Variants in RREB1 observed in about 807,000 individuals in gnomAD.
RREB1 encodes the protein ras-responsive element-binding protein 1.
RREB1 carries 27 observed loss-of-function variants against 117.8 expected under a neutral mutation model. The ratio of observed to expected loss-of-function variants is 0.23; its 90% CI spans 0.17 to 0.32. The LOEUF is 0.32. Among genes scored for constraint, RREB1 ranks in the 10% least tolerant of loss-of-function variants. RREB1 has a pLI of 1.00. For synonymous variants in RREB1, 1,298 were observed against 1,026.7 expected, an observed-to-expected ratio of 1.26 and a Z score of -5.05; for missense variants, 2,577 against 2,378.2, an observed-to-expected ratio of 1.08 and a Z score of -1.74.
intron 1 of RREB1, among the ~76,000 whole-genome samples, chr6:7,114,896 C>G (rs1281004206): frequency 6.6e-5 from 10 of 152,118 alleles, no homozygotes; most frequent in Non-Finnish European, 1.5e-4. Flanking sequence ...GTCGATGGCT[C>G]AGCTTTCCCA....
Position 7,229,212 on chromosome 6 carries a change from C to T in RREB1, c.1113C>T (p.His371=), listed in dbSNP as rs1443279260. The T allele has an allele frequency of 1.9e-6, 3 of 1,613,314 alleles. No individual in the cohort carries two copies. Among genetic ancestry groups the T allele is most frequent in the Non-Finnish European group, 2.5e-6 (3 of 1,179,550 alleles). Residue 371 remains histidine, a synonymous_variant, in exon 10 of 13, where the codon CAC becomes CAT. Transcript: ENST00000379938. This position sits in a 1 kb window ranked among gnomAD's most constrained non-coding sequence, Gnocchi z 4.5. ...KGFLALLGLQ[H]TKDVRPAPAE... ...TCCTGGCCTTGCTTGGCCTGCAGCACACCAAAGACGTCAGGCCTGCCCCCG... is the reference window on the plus strand; with the variant it reads ...TCCTGGCCTTGCTTGGCCTGCAGCATACCAAAGACGTCAGGCCTGCCCCCG...
chr6:7,114,651 G>A lies in RREB1; in HGVS notation c.-285+6591G>A, dbSNP rs137977988. 9.0e-4 allele frequency among the ~76,000 whole-genome samples: 137 copies of A among 152,254 alleles called. 2 individuals carry two copies. The East Asian group carries it at 0.023, about 26-fold the overall frequency. ...TCTCATCTACAAGTCCACTGGGTGCGCTGCCTGTATTGCATGCGATATATT... is the reference window on the plus strand; with the variant it reads ...TCTCATCTACAAGTCCACTGGGTGCACTGCCTGTATTGCATGCGATATATT... On this transcript the variant is annotated intron_variant, in intron 1 of 12. Coordinates refer to ENST00000379938, the MANE Select transcript of RREB1 (RefSeq NM_001003699.4).
intron 1 of RREB1, among the ~76,000 whole-genome samples, chr6:7,143,674 A>G (rs756229317): frequency 1.3e-5 from 2 of 152,118 alleles, no homozygotes; most frequent in African/African-American, 2.4e-5. Context: ...CTGTGGAACA[A>G]CAGCAAAGTC....
In RREB1 at chr6:7,249,075, GAGAGA is replaced by G; in HGVS notation, c.*108_*112del. ...GCTGTTGAGGAGTGAGAGAGAGAGA[GAGAGA>G]GAGAGAGAGAGAGAGAGAGAGAGAC... On this transcript the variant is annotated 3_prime_UTR_variant, in exon 13 of 13. Transcript: ENST00000379938. The G allele has an allele frequency of 4.7e-6, 3 of 637,594 alleles. No individual in the cohort carries two copies. Among genetic ancestry groups the G allele is most frequent in the African/African-American group, 2.1e-5 (1 of 47,858 alleles). The allele number at this position is 637,594 out of a possible 1,614,324, so 39.5% of individuals were successfully genotyped here.
At position 7,229,669 on chromosome 6, in the gene RREB1, C is replaced by A. The variant is rs1003190612; in HGVS notation, c.1570C>A (p.Pro524Thr). The A allele has an allele frequency of 6.2e-7, 1 of 1,611,768 alleles. No homozygotes were observed. Residue 524 changes from proline to threonine, a missense_variant, in exon 10 of 13, where the codon CCC (proline) becomes ACC (threonine). Pro to Thr is a conservative substitution (Grantham distance 38). Coordinates refer to ENST00000379938, the MANE Select transcript of RREB1 (RefSeq NM_001003699.4). This position sits in a 1 kb window ranked among gnomAD's most constrained non-coding sequence, Gnocchi z 4.5. ...ACGGACGGTGGTGGCCACCTCCACG[C>A]CCCCGCCTCTCATCAACGCCCAGCA... ...TPRTVVATST[P>T]PPLINAQQAS...
intron 6 of RREB1, among the ~76,000 whole-genome samples, chr6:7,196,641 G>A (rs1435961715): frequency 5.9e-5 from 9 of 152,134 alleles, no homozygotes; most frequent in Non-Finnish European, 1.3e-4. Flanking sequence ...GGCAAGTAGG[G>A]AGATGAGAGT....
intron 1 of RREB1, among the ~76,000 whole-genome samples, chr6:7,170,400 A>G (rs1197927837): frequency 6.6e-6 from 1 of 152,192 alleles, no homozygotes; most frequent in Non-Finnish European, 1.5e-5. Flanking sequence ...CTCACTGCCC[A>G]GGAGCAGCAG....
At chr6:7,191,687 G>A (rs1765417836) in intron 6 of RREB1, among the ~76,000 whole-genome samples, 2 of 152,098 alleles carry the variant, frequency 1.3e-5, no homozygotes, top group African/African-American at 4.8e-5. Context: ...TTTTATATCG[G>A]TTAAATTTAT....
Position 7,246,967 on chromosome 6 carries a change from AGGT to A in RREB1, c.4523_4525del (p.Val1508del). Reference sequence around the variant, plus strand: ...GAGAAGCCCCCCGAGACCCCGGCAGAGGTGGTGGAGTCGGCCCCGGGTGCCGGG... The same window carrying A: ...GAGAAGCCCCCCGAGACCCCGGCAGAGGTGGAGTCGGCCCCGGGTGCCGGG... On this transcript the variant is annotated inframe_deletion, in exon 12 of 13. Coordinates refer to ENST00000379938, the MANE Select transcript of RREB1 (RefSeq NM_001003699.4). The A allele has an allele frequency of 1.3e-6, 2 of 1,574,602 alleles. No individual in the cohort carries two copies. Among genetic ancestry groups the A allele is most frequent in the Non-Finnish European group, 1.7e-6 (2 of 1,161,322 alleles).
At chr6:7,227,950 C>T (rs1294537253) in intron 9 of RREB1, among the ~76,000 whole-genome samples, 1 of 152,178 alleles carries the variant, frequency 6.6e-6, no homozygotes, top group East Asian at 1.9e-4. Context: ...GCCTATAATC[C>T]CAGCTGCTGG....
intron 1 of RREB1, among the ~76,000 whole-genome samples, chr6:7,115,623 A>G (rs1001165500): frequency 4.6e-5 from 7 of 152,148 alleles, no homozygotes; most frequent in Non-Finnish European, 7.4e-5. Context: ...CCACCTTTGC[A>G]GTCCCATACG....
intron 1 of RREB1, among the ~76,000 whole-genome samples, chr6:7,108,343 T>A (rs868364065): frequency 1.1e-5 from 1 of 91,954 alleles, no homozygotes; most frequent in Non-Finnish European, 3.1e-5. Flanking sequence ...CCTCCTCCCC[T>A]TCCTCCGCTC....
intron 1 of RREB1, among the ~76,000 whole-genome samples, chr6:7,113,872 C>G (rs1353284272): frequency 6.6e-6 from 1 of 152,168 alleles, no homozygotes; most frequent in Admixed American, 6.5e-5. Context: ...AGTAGCCTTT[C>G]TACCTCATGA....
At chr6:7,163,753 T>C (rs1360011678) in intron 1 of RREB1, among the ~76,000 whole-genome samples, 1 of 152,238 alleles carries the variant, frequency 6.6e-6, no homozygotes, top group African/African-American at 2.4e-5. Context: ...TGAGCACGTG[T>C]GTGCCTGGGT....
chr6:7,143,836 A>C, intron 1 of RREB1, among the ~76,000 whole-genome samples: 1 of 142,252 alleles, frequency 7.0e-6, no homozygotes, highest in South Asian at 2.2e-4. Context: ...GCATCACTGC[A>C]GCCTTTTTTT....
rs1230965974 is a variant in RREB1 at position 7,108,013 on chromosome 6, A to C, written c.-332A>C. ...TCTCCTCGGTCTCTCCCTGAAGCCCACCGGTCCCCAACGCATCATGCCAGG... is the reference window on the plus strand; with the variant it reads ...TCTCCTCGGTCTCTCCCTGAAGCCCCCCGGTCCCCAACGCATCATGCCAGG... On this transcript the variant is annotated 5_prime_UTR_variant, in exon 1 of 13. Coordinates refer to ENST00000379938, the MANE Select transcript of RREB1 (RefSeq NM_001003699.4). 1 of 152,212 alleles carries C rather than the reference A, an allele frequency of 6.6e-6. No individual in the cohort carries two copies. Among genetic ancestry groups the C allele is most frequent in the Non-Finnish European group, 1.5e-5 (1 of 68,072 alleles). The allele number at this position is 152,212 out of a possible 1,614,324, so 9.4% of individuals were successfully genotyped here.
At chr6:7,201,615 G>A (rs974833704) in intron 6 of RREB1, among the ~76,000 whole-genome samples, 1 of 150,614 alleles carries the variant, frequency 6.6e-6, no homozygotes, top group African/African-American at 2.4e-5. Flanking sequence ...CTGTGTGCCT[G>A]TGGGCCATCC....
intron 1 of RREB1, among the ~76,000 whole-genome samples, chr6:7,134,254 C>G (rs545515956): frequency 2.6e-5 from 4 of 152,178 alleles, no homozygotes; most frequent in Non-Finnish European, 5.9e-5. Context: ...TGTGATCTGT[C>G]TTATTACCCC....
chr6:7,230,015 G>T lies in RREB1; in HGVS notation c.1916G>T (p.Arg639Leu). ...GGCGGCAAGAAGACGCCCGCCATGCGCAAGGTGCTCTACCCCTGCCGCTTC... is the reference window on the plus strand; with the variant it reads ...GGCGGCAAGAAGACGCCCGCCATGCTCAAGGTGCTCTACCCCTGCCGCTTC... ...APGGKKTPAM[R>L]KVLYPCRFCN... The change falls in exon 10 of 13, where the codon CGC becomes CTC. Residue 639 changes from arginine (R) to leucine (L), a missense_variant. Coordinates refer to ENST00000379938, the MANE Select transcript of RREB1 (RefSeq NM_001003699.4). 1.2e-6 allele frequency: 2 copies of T among 1,610,382 alleles called. No individual in the cohort carries two copies. The highest frequency in any genetic ancestry group is 1.7e-6 in the Non-Finnish European group (2 of 1,177,590).
Sources: allele counts gnomAD v4.1 joint callset (sites outside exome capture counted in the v4.1 genomes callset), GRCh38; gene constraint gnomAD v4.1.1; non-coding constraint Gnocchi (gnomAD v3.1); transcripts MANE v1.5; gene names NCBI Gene and HGNC (gene_info 2026-07-23, HGNC 2026-07-21).